The following WDR41 variants were observed in gnomAD, a reference collection of about 807,000 sequenced individuals.
WDR41 encodes WD repeat-containing protein 41.
Under a neutral mutation model 69.3 loss-of-function variants are expected in WDR41, and 63 were observed. The observed-to-expected ratio is 0.91, with a 90% CI of 0.74 to 1.12. The LOEUF is 1.12. WDR41 is among the 50% of genes most tolerant of loss of function. The pLI is 0.00. For missense variants in WDR41, 543 were observed against 534.5 expected (o/e 1.02, Z -0.16); for synonymous variants, 185 against 192.1 (o/e 0.96, Z 0.31).
chr5:77,470,490 G>T (rs1427585378), intron 2 of WDR41, among the ~76,000 whole-genome samples: 1 of 152,104 alleles, frequency 6.6e-6, no homozygotes, highest in African/African-American at 2.4e-5. Context: ...TGGCAAATTG[G>T]ATAAAGAGTC....
intron 1 of WDR41, among the ~76,000 whole-genome samples, chr5:77,576,401 T>A (rs1427319481): frequency 6.6e-6 from 1 of 152,172 alleles, no homozygotes; most frequent in Non-Finnish European, 1.5e-5. Flanking sequence ...CTCCACTTCC[T>A]AATGTCCCAC....
chr5:77,454,370 C>G (rs577362958), intron 5 of WDR41, among the ~76,000 whole-genome samples: 1 of 152,298 alleles, frequency 6.6e-6, no homozygotes, highest in African/African-American at 2.4e-5. Context: ...GAGCCAGAAC[C>G]ACCCAGATAA....
chr5:77,512,196 T>C (rs1022393862), intron 1 of WDR41, among the ~76,000 whole-genome samples: 1 of 152,208 alleles, frequency 6.6e-6, no homozygotes, highest in African/African-American at 2.4e-5. Context: ...AAAATATTCA[T>C]GCCTGGGTTC....
intron 5 of WDR41, among the ~76,000 whole-genome samples, chr5:77,456,090 C>T (rs1160448167): frequency 6.6e-6 from 1 of 152,148 alleles, no homozygotes; most frequent in Non-Finnish European, 1.5e-5. Context: ...CTGATCCATG[C>T]ACTCAGGATG....
At chr5:77,478,294 T>A (rs1347715352) in intron 2 of WDR41, among the ~76,000 whole-genome samples, 6 of 152,038 alleles carry the variant, frequency 3.9e-5, no homozygotes, top group African/African-American at 7.2e-5. Flanking sequence ...CAATCAATAG[T>A]AAAAGAGGGA....
chr5:77,481,583 G>C (rs768128416), intron 2 of WDR41, among the ~76,000 whole-genome samples: 2 of 151,934 alleles, frequency 1.3e-5, no homozygotes, highest in Non-Finnish European at 2.9e-5. Context: ...TCAGGAGTTC[G>C]AGACCAGCCT....
intron 2 of WDR41, among the ~76,000 whole-genome samples, chr5:77,468,425 T>G (rs530772900): frequency 6.7e-6 from 1 of 149,874 alleles, no homozygotes; most frequent in East Asian, 1.9e-4. Context: ...AAACATCTTC[T>G]CTTTGAACAT....
chr5:77,599,347 T>C (rs1744284841), intron 1 of WDR41, among the ~76,000 whole-genome samples: 1 of 151,840 alleles, frequency 6.6e-6, no homozygotes. Context: ...ATTAAAGGCA[T>C]CTGCCACCAA....
rs189599612 is a variant in WDR41, at chr5:77,471,438, G to C, written c.168-6629C>G. Among the ~76,000 whole-genome samples the C allele has an allele frequency of 3.1e-4, 47 of 152,274 alleles. No individual in the cohort carries two copies. In the East Asian group the frequency reaches 8.5e-3, roughly 28 times the overall value. ...AAATAACTAAGATCAGAGCAGAACT[G>C]AAGGAAATAGAGACACAAAAAACCC... On this transcript the variant is annotated intron_variant, in intron 2 of 12. Coordinates refer to ENST00000296679, the MANE Select transcript of WDR41 (RefSeq NM_018268.4).
rs1325797412 is a variant in WDR41, at chr5:77,520,994, CT to C, written c.43-31423del. ...CACCTGAGTTTCTCATCCTCGGCCC[CT>C]GACCTTCGGGAAGCCTATATGCCAG... On this transcript the variant is annotated intron_variant, in intron 1 of 5. Coordinates refer to the WDR41 transcript ENST00000509971. 3.9e-5 allele frequency among the ~76,000 whole-genome samples: 6 copies of C among 152,302 alleles called. No homozygotes were observed. In the East Asian group the frequency reaches 1.2e-3, roughly 29 times the overall value.
At chr5:77,555,793 A>G (rs1166565980) in intron 1 of WDR41, among the ~76,000 whole-genome samples, 1 of 152,230 alleles carries the variant, frequency 6.6e-6, no homozygotes, top group Non-Finnish European at 1.5e-5. Flanking sequence ...AGACAAATTC[A>G]TAAAGATGTA....
intron 1 of WDR41, among the ~76,000 whole-genome samples, chr5:77,547,255 C>T (rs1405262984): frequency 3.3e-5 from 5 of 151,964 alleles, no homozygotes; most frequent in Admixed American, 2.0e-4. Context: ...CATCATAGTA[C>T]TGGAAGTCCT....
intron 8 of WDR41, among the ~76,000 whole-genome samples, chr5:77,445,509 G>A (rs982045043): frequency 2.0e-5 from 3 of 152,064 alleles, no homozygotes; most frequent in Non-Finnish European, 4.4e-5. Context: ...TATGAACATC[G>A]ATGCGAAAAT....
At chr5:77,525,169 A>C (rs1214141772) in intron 1 of WDR41, among the ~76,000 whole-genome samples, 1 of 152,236 alleles carries the variant, frequency 6.6e-6, no homozygotes, top group Non-Finnish European at 1.5e-5. Context: ...AGAGAAAGTG[A>C]GTGGGTGTGC....
At chr5:77,594,373 C>T (rs1422731473) in intron 1 of WDR41, among the ~76,000 whole-genome samples, 2 of 151,344 alleles carry the variant, frequency 1.3e-5, no homozygotes, top group African/African-American at 4.9e-5. Flanking sequence ...ATGTAACAAA[C>T]CTGCACATTG....
intron 1 of WDR41, among the ~76,000 whole-genome samples, chr5:77,541,970 C>T (rs758172301): frequency 1.4e-4 from 21 of 152,084 alleles, no homozygotes; most frequent in Non-Finnish European, 1.8e-4. Flanking sequence ...TACATGGACA[C>T]GTATGTTCAT....
At chr5:77,434,240 G>C (rs1367532642) in intron 12 of WDR41, among the ~76,000 whole-genome samples, 1 of 152,110 alleles carries the variant, frequency 6.6e-6, no homozygotes, top group Non-Finnish European at 1.5e-5. Flanking sequence ...GAACCCAGGA[G>C]GTAGAGGTTG....
intron 1 of WDR41, among the ~76,000 whole-genome samples, chr5:77,568,054 G>C (rs1352058599): frequency 2.0e-5 from 3 of 151,898 alleles, no homozygotes; most frequent in Admixed American, 1.3e-4. Flanking sequence ...TACTGACTTA[G>C]AGACCATGTT....
chr5:77,548,573 A>G (rs891946548), intron 1 of WDR41, among the ~76,000 whole-genome samples: 2 of 152,240 alleles, frequency 1.3e-5, no homozygotes, highest in African/African-American at 2.4e-5. Context: ...CAAAACCACA[A>G]TGTGATACCA....
Sources: gnomAD v4.1 joint callset for allele counts (sites outside exome capture counted in the v4.1 genomes callset) on GRCh38, gnomAD v4.1.1 for gene constraint, MANE v1.5 for transcripts, NCBI Gene and HGNC (gene_info 2026-07-23, HGNC 2026-07-21) for gene names.